SPINT1: variants seen among roughly 807,000 people sequenced by gnomAD.
SPINT1 encodes serine peptidase inhibitor, Kunitz type 1, also known as kunitz-type protease inhibitor 1.
In SPINT1, 38 loss-of-function variants were observed where a neutral mutation model predicts 53.7. The observed-to-expected ratio is 0.71, with a 90% confidence interval of 0.55 to 0.93. The LOEUF is 0.93. Among genes scored for constraint, SPINT1 ranks in the 40% least tolerant of loss-of-function variants. The pLI is 0.00. For missense variants in SPINT1, 645 were observed against 692.9 expected (o/e 0.93, Z 0.78); for synonymous variants, 283 against 280.6 (o/e 1.01, Z -0.08).
At chr15:40,847,672 C>G (rs1358915976) in intron 2 of SPINT1, among the ~76,000 whole-genome samples, 1 of 152,118 alleles carries the variant, frequency 6.6e-6, no homozygotes, top group Non-Finnish European at 1.5e-5. Flanking sequence ...GCCCTTTGCT[C>G]TCTTGCGGGT....
intron 2 of SPINT1, among the ~76,000 whole-genome samples, chr15:40,849,363 T>C (rs190115671): frequency 6.6e-6 from 1 of 152,144 alleles, no homozygotes; most frequent in African/African-American, 2.4e-5. Context: ...CCTCCCAACC[T>C]CATCTTCATG....
intron 2 of SPINT1, among the ~76,000 whole-genome samples, chr15:40,847,398 C>T (rs538300679): frequency 2.0e-5 from 3 of 152,192 alleles, no homozygotes; most frequent in Non-Finnish European, 2.9e-5. Context: ...GCTTCCAAAC[C>T]TTTGATTCTC....
chr15:40,853,946 T>G (rs771146617), intron 5 of SPINT1, 65 bp downstream of exon 5: 2 of 1,613,438 alleles, frequency 1.2e-6, no homozygotes, highest in Middle Eastern at 3.3e-4. Flanking sequence ...GGTCTCTCTC[T>G]TCTGTGGCCA....
At chr15:40,855,270 A>C (rs1274828342) in intron 8 of SPINT1, among the ~76,000 whole-genome samples, 2 of 152,196 alleles carry the variant, frequency 1.3e-5, no homozygotes, top group Non-Finnish European at 2.9e-5. Flanking sequence ...ACTCCCAGCT[A>C]CTCAGAAGGC....
At chr15:40,855,771 C>T (rs896957326) in intron 8 of SPINT1, 121 bp from the exon 9 acceptor site, 3 of 1,130,600 alleles carry the variant, frequency 2.7e-6, no homozygotes, top group Non-Finnish European at 3.7e-6. Context: ...TTTGGGGCCT[C>T]TCAGGCCCTC....
chr15:40,851,158 CTTT>C (rs1272275153), intron 2 of SPINT1, among the ~76,000 whole-genome samples: 1 of 144,162 alleles, frequency 6.9e-6, no homozygotes, highest in Admixed American at 7.0e-5. Flanking sequence ...TTTCTTTTTT[CTTT>C]TTTTTTTTTT....
chr15:40,850,678 A>G (rs950273040), intron 2 of SPINT1, among the ~76,000 whole-genome samples: 3 of 152,350 alleles, frequency 2.0e-5, no homozygotes, highest in South Asian at 4.1e-4. Context: ...GGGAGAAGCC[A>G]GAAGCATCAG....
intron 2 of SPINT1, among the ~76,000 whole-genome samples, chr15:40,850,704 C>T (rs1045913107): frequency 4.6e-5 from 7 of 152,046 alleles, no homozygotes; most frequent in Non-Finnish European, 8.8e-5. Context: ...CGTTGTTTCT[C>T]ACATCTTTAT....
chr15:40,856,093 A>T, intron 9 of SPINT1, 31 bp downstream of exon 9: 1 of 1,612,094 alleles, frequency 6.2e-7, no homozygotes, highest in Non-Finnish European at 8.5e-7. Flanking sequence ...GTGGGCATGT[A>T]TGGGGGAAGG....
intron 2 of SPINT1, among the ~76,000 whole-genome samples, chr15:40,849,043 G>A (rs1270159004): frequency 1.1e-4 from 16 of 151,652 alleles, no homozygotes; most frequent in Admixed American, 2.0e-4. Flanking sequence ...TCGGGAGATT[G>A]AGACCATCCT....
In SPINT1 at chr15:40,854,437, C is replaced by A. The variant is rs1891567791; in HGVS notation, c.981C>A (p.Ser327Arg). The A allele has an allele frequency of 1.2e-6, 2 of 1,612,340 alleles. No homozygotes were observed. The highest frequency in any genetic ancestry group is 1.1e-5 in the South Asian group (1 of 90,916). Residue 327 changes from serine to arginine, a missense_variant, in exon 7 of 11, where the codon AGC (serine) becomes AGA (arginine). Transcript: ENST00000562057. ...GTCAGCCCACCCAGTTCCGCTGCAG[C>A]AATGGCTGCTGCATCGACAGTTTCC... ...GTCQPTQFRC[S>R]NGCCIDSFLE... is the part of the protein sequence containing the mutation.
At chr15:40,849,022 G>T (rs1233363943) in intron 2 of SPINT1, among the ~76,000 whole-genome samples, 1 of 151,672 alleles carries the variant, frequency 6.6e-6, no homozygotes, top group East Asian at 1.9e-4. Context: ...CGGGGCGGGC[G>T]GATCACGAGG....
At chr15:40,847,532 C>T (rs570561364) in intron 2 of SPINT1, among the ~76,000 whole-genome samples, 1 of 152,296 alleles carries the variant, frequency 6.6e-6, no homozygotes, top group Non-Finnish European at 1.5e-5. Context: ...CTCTTCTCCC[C>T]TTCTCTTCCC....
Position 40,844,668 on chromosome 15 carries a change from G to C in SPINT1, c.114G>C (p.Pro38=). ...LGLQGTQAGP[P]PAPPGLPAGA... ...TCCAGGGCACCCAGGCCGGGCCACCGCCCGCGCCCCCTGGGCTGCCCGCGG... is the reference window on the plus strand; with the variant it reads ...TCCAGGGCACCCAGGCCGGGCCACCCCCCGCGCCCCCTGGGCTGCCCGCGG... Residue 38 remains proline, a synonymous_variant, in exon 2 of 11, where the codon CCG becomes CCC. Transcript: ENST00000562057. This position sits in a 1 kb window ranked among gnomAD's most constrained non-coding sequence, Gnocchi z 5.8. 1.2e-6 allele frequency: 2 copies of C among 1,604,986 alleles called. No homozygotes were observed. The highest frequency in any genetic ancestry group is 1.7e-6 in the Non-Finnish European group (2 of 1,176,070).
At chr15:40,846,702 A>C (rs943312722) in intron 2 of SPINT1, among the ~76,000 whole-genome samples, 11 of 152,152 alleles carry the variant, frequency 7.2e-5, no homozygotes, top group African/African-American at 2.7e-4. Context: ...TCCGTTCTGG[A>C]AAGTGGAGAA....
chr15:40,857,150 A>C lies in SPINT1; in HGVS notation c.*175A>C. On this transcript the variant is annotated 3_prime_UTR_variant, in exon 11 of 11. Coordinates refer to ENST00000562057, the MANE Select transcript of SPINT1 (RefSeq NM_003710.4). The stretch of plus-strand genomic sequence containing the variant: ...CTCAGCTAAGCTCACGTCCTGAGAA[A>C]GCTCAAAGGTTTGGAAGGAGCAGAA... 1 of 861,776 alleles carries C rather than the reference A, an allele frequency of 1.2e-6. No homozygotes were observed. The highest frequency in any genetic ancestry group is 1.7e-6 in the Non-Finnish European group (1 of 580,716). 53.4% of individuals were successfully genotyped at this position (861,776 alleles called of 1,614,324 possible).
rs1363823495 is a variant in SPINT1, at chr15:40,844,156, G to C, written c.-96G>C. 1.6e-5 allele frequency: 7 copies of C among 437,832 alleles called. No homozygotes were observed. The highest frequency in any genetic ancestry group is 8.2e-5 in the South Asian group (5 of 61,264). The allele number at this position is 437,832 out of a possible 1,614,324, so 27.1% of individuals were successfully genotyped here. On this transcript the variant is annotated 5_prime_UTR_variant, in exon 1 of 11. Transcript: ENST00000562057. The surrounding 1 kb of genome is among the most constrained non-coding windows in gnomAD (Gnocchi z 5.8). The stretch of plus-strand genomic sequence containing the variant: ...AGGAAGCTGGGACCGGAACCTCGGC[G>C]GACCCGGCCCCACCCAACTCACCTG...
rs368192198 is a variant in SPINT1, at chr15:40,849,063, G to A, written c.475+4034G>A. 1.1e-4 allele frequency among the ~76,000 whole-genome samples: 17 copies of A among 151,842 alleles called. No individual in the cohort carries two copies. In the East Asian group the frequency reaches 1.7e-3, roughly 16 times the overall value. On this transcript the variant is annotated intron_variant, in intron 2 of 10. Coordinates refer to ENST00000562057, the MANE Select transcript of SPINT1 (RefSeq NM_003710.4). ...AGATTGAGACCATCCTGGCTAACACGGTGAAACCCCGTCTCTACTAAAAAT... is the reference window on the plus strand; with the variant it reads ...AGATTGAGACCATCCTGGCTAACACAGTGAAACCCCGTCTCTACTAAAAAT...
chr15:40,845,839 A>G (rs1332275043), intron 2 of SPINT1, among the ~76,000 whole-genome samples: 2 of 152,236 alleles, frequency 1.3e-5, no homozygotes, highest in African/African-American at 2.4e-5. Flanking sequence ...GAGCCTGGCC[A>G]TAGTCTCCTC....
Sources: allele counts gnomAD v4.1 joint callset (sites outside exome capture counted in the v4.1 genomes callset), GRCh38; gene constraint gnomAD v4.1.1; non-coding constraint Gnocchi (gnomAD v3.1); transcripts MANE v1.5; gene names NCBI Gene and HGNC (gene_info 2026-07-23, HGNC 2026-07-21).